The following CMC4 variants were observed in gnomAD, a reference collection of about 807,000 sequenced individuals.
CMC4 encodes the protein C-X9-C motif containing 4, also known as cx9C motif-containing protein 4.
In CMC4, 4 loss-of-function variants were observed where a neutral mutation model predicts 5.1. The ratio of observed to expected loss-of-function variants is 0.78; its 90% CI spans 0.38 to 1.78. CMC4 has a LOEUF of 1.78. Among genes scored for constraint, CMC4 ranks in the 40% most tolerant of loss-of-function variants. The pLI, the probability that CMC4 is intolerant of heterozygous loss-of-function variation, is 0.04. For synonymous variants in CMC4, 23 were observed against 18.9 expected (o/e 1.22, Z -0.57); for missense variants, 52 against 51.3 (o/e 1.01, Z -0.04).
intron 1 of CMC4, chrX:155,066,173 A>G (rs1476692419): frequency 2.3e-6 from 1 of 430,467 alleles, no homozygotes; most frequent in Non-Finnish European, 4.0e-6. Context: ...TCATATGTCT[A>G]TTTGCACAAC....
intron 2 of CMC4, among the ~76,000 whole-genome samples, chrX:155,063,094 CT>C (rs2073934625): frequency 9.0e-6 from 1 of 111,600 alleles, no homozygotes; most frequent in African/African-American, 3.3e-5. Context: ...TTTCCTTTTC[CT>C]TAAAGTTGGA....
rs1377775916 is a variant in CMC4, at chrX:155,071,036, A to G, written c.-353T>C. 2 of 112,717 alleles carry G rather than the reference A, an allele frequency of 1.8e-5. No homozygotes were observed. Among genetic ancestry groups the G allele is most frequent in the African/African-American group, 3.2e-5 (1 of 31,077 alleles). 9.3% of individuals were successfully genotyped at this position (112,717 alleles called of 1,213,427 possible). A position where few individuals can be genotyped will look rare whatever the true frequency, so the allele number is the denominator to read the frequency against. ...TGTCGTCTTAAAGGGCTGTCCCCCA[A>G]GCGTGTAGGCCGCGCACGGGTCTCC... On this transcript the variant is annotated 5_prime_UTR_variant, in exon 1 of 3. Transcript: ENST00000369484.
chrX:155,063,825 G>T, intron 2 of CMC4, 141 bp downstream of exon 2: 1 of 498,958 alleles, frequency 2.0e-6, no homozygotes. Context: ...CATCTTTGAT[G>T]ATACAATGAA....
chrX:155,068,561 CT>C (rs782545937), intron 1 of CMC4, among the ~76,000 whole-genome samples: 1 of 112,184 alleles, frequency 8.9e-6, no homozygotes, highest in African/African-American at 3.2e-5. Context: ...AATGCAAAGG[CT>C]GAGGGAGAGG....
chrX:155,064,071 C>T (rs781953310), intron 1 of CMC4, 38 bp from the exon 2 acceptor site: 1 of 1,101,426 alleles, frequency 9.1e-7, no homozygotes, highest in Non-Finnish European at 1.2e-6. Context: ...TTCTTTTTTC[C>T]ATAAAGACTT....
chrX:155,064,063 C>A (rs1426980261), intron 1 of CMC4, 30 bp from the exon 2 acceptor site: 9 of 1,137,503 alleles, frequency 7.9e-6, no homozygotes, highest in Non-Finnish European at 9.4e-6. Flanking sequence ...TTTTATTTTT[C>A]TTTTTTCCAT....
chrX:155,070,927 CAAAAT>C lies in CMC4; in HGVS notation c.-249_-245del, dbSNP rs1219196107. On this transcript the variant is annotated 5_prime_UTR_variant, in exon 1 of 3. Coordinates refer to ENST00000369484, the MANE Select transcript of CMC4 (RefSeq NM_001018024.3). ...CGGGGGCTGTGACTTGGAAATAAAA[CAAAAT>C]AAAATAAAACCTTAACTGTTTTGGG... 8.9e-6 allele frequency: 1 copy of C among 112,738 alleles called. No individual in the cohort carries two copies. The highest frequency in any genetic ancestry group is 1.9e-5 in the Non-Finnish European group (1 of 53,204). The allele number at this position is 112,738 out of a possible 1,213,427, so 9.3% of individuals were successfully genotyped here.
Position 155,061,764 on chromosome X carries a change from G to C in CMC4, c.*79C>G. The C allele has an allele frequency of 9.2e-7, 1 of 1,092,084 alleles. No homozygotes were observed. Among genetic ancestry groups the C allele is most frequent in the East Asian group, 3.1e-5 (1 of 32,446 alleles). The allele number at this position is 1,092,084 out of a possible 1,213,427, so 90.0% of individuals were successfully genotyped here. ...TAGCTGACTTTTTCATTTGCTATTT[G>C]CTGCTACCTGGCCTGAAGAGTCAGG... On this transcript the variant is annotated 3_prime_UTR_variant, in exon 3 of 3. Coordinates refer to ENST00000369484, the MANE Select transcript of CMC4 (RefSeq NM_001018024.3).
intron 2 of CMC4, 72 bp downstream of exon 2, chrX:155,063,894 A>G (rs2073937939): frequency 8.6e-6 from 7 of 818,434 alleles, no homozygotes; most frequent in African/African-American, 2.1e-5. Flanking sequence ...TAATACAGAT[A>G]AAAGAATAAT....
At chrX:155,066,237 TCAGG>T (rs2073947726) in intron 1 of CMC4, among the ~76,000 whole-genome samples, 1 of 112,510 alleles carries the variant, frequency 8.9e-6, no homozygotes, top group African/African-American at 3.2e-5. Flanking sequence ...AAAGTGACAC[TCAGG>T]CAGAGCCTCA....
intron 1 of CMC4, chrX:155,065,286 T>G: frequency 2.3e-6 from 1 of 443,242 alleles, no homozygotes; most frequent in Non-Finnish European, 4.0e-6. Context: ...TTGAGCAGTT[T>G]TTCAACCCAC....
At chrX:155,066,041 C>G in intron 1 of CMC4, 1 of 1,133,601 alleles carries the variant, frequency 8.8e-7, no homozygotes. Context: ...TCTAGCCCTG[C>G]TTTTCTCCAC....
At chrX:155,068,293 G>A (rs2073956610) in intron 1 of CMC4, among the ~76,000 whole-genome samples, 1 of 112,527 alleles carries the variant, frequency 8.9e-6, no homozygotes, top group Admixed American at 9.4e-5. Context: ...GATGGTCTGA[G>A]TTACTGAGTC....
intron 1 of CMC4, chrX:155,065,194 T>C: frequency 2.9e-6 from 1 of 344,961 alleles, no homozygotes; most frequent in Non-Finnish European, 5.0e-6. Context: ...AGTGCTTTTG[T>C]TGACTTGCTT....
At chrX:155,062,064 T>A (rs892999290) in intron 2 of CMC4, 73 bp from the exon 3 acceptor site, 14 of 984,103 alleles carry the variant, frequency 1.4e-5, no homozygotes, top group Middle Eastern at 2.8e-4. Flanking sequence ...GATCAGTGCT[T>A]CCCACCCCTT....
At chrX:155,067,433 C>T (rs782297160) in intron 1 of CMC4, among the ~76,000 whole-genome samples, 1 of 111,841 alleles carries the variant, frequency 8.9e-6, no homozygotes, top group South Asian at 3.7e-4. Flanking sequence ...CCAATTCCAG[C>T]AGGCACTACA....
intron 1 of CMC4, among the ~76,000 whole-genome samples, chrX:155,066,590 CTATT>C (rs1237856607): frequency 8.9e-6 from 1 of 112,011 alleles, no homozygotes; most frequent in South Asian, 3.7e-4. Flanking sequence ...GGCAAATGAT[CTATT>C]TATCAGTTTA....
chrX:155,067,442 C>G (rs974022036), intron 1 of CMC4, among the ~76,000 whole-genome samples: 5 of 111,789 alleles, frequency 4.5e-5, no homozygotes, highest in Admixed American at 2.8e-4. Flanking sequence ...GCAGGCACTA[C>G]AACTACCACT....
At chrX:155,066,540 T>C (rs1375740971) in intron 1 of CMC4, among the ~76,000 whole-genome samples, 22 of 112,645 alleles carry the variant, frequency 2.0e-4, no homozygotes. Flanking sequence ...AGGACATATA[T>C]GCATGTCTTT....
Sources: allele counts gnomAD v4.1 joint callset (sites outside exome capture counted in the v4.1 genomes callset), GRCh38; gene constraint gnomAD v4.1.1; transcripts MANE v1.5; gene names NCBI Gene and HGNC (gene_info 2026-07-23, HGNC 2026-07-21).